The following CD300LF variants were observed in gnomAD, a reference collection of about 807,000 sequenced individuals.
The protein encoded by CD300LF is CD300 molecule like family member f.
In CD300LF, 27 loss-of-function variants were observed where a neutral mutation model predicts 32.2. The observed-to-expected ratio is 0.84, with a 90% CI of 0.62 to 1.15. The LOEUF (loss-of-function observed/expected upper bound fraction) is 1.15. Among genes scored for constraint, CD300LF ranks in the 50% most tolerant of loss-of-function variants. The pLI, the probability that CD300LF is intolerant of heterozygous loss-of-function variation, is 0.00. For missense variants in CD300LF, 348 were observed against 356.8 expected, an observed-to-expected ratio of 0.98 and a Z score of 0.20; for synonymous variants, 139 against 143.2, an observed-to-expected ratio of 0.97 and a Z score of 0.21.
At position 74,704,828 on chromosome 17, in the gene CD300LF, A is replaced by G. The variant is rs1314663794; in HGVS notation, c.44-12T>C. The G allele has an allele frequency of 1.2e-6, 2 of 1,600,582 alleles. No homozygotes were observed. The highest frequency in any genetic ancestry group is 2.7e-5 in the African/African-American group (2 of 74,742). ...GACAATGGAGTAGCCTGGAAAACAC[A>G]AATTCATGTGCTGTCACCTCCCACC... On this transcript the variant is annotated splice_polypyrimidine_tract_variant and intron_variant, in intron 1 of 6. Transcript: ENST00000326165.
At chr17:74,706,329 C>A (rs2033511620) in intron 1 of CD300LF, among the ~76,000 whole-genome samples, 2 of 144,410 alleles carry the variant, frequency 1.4e-5, no homozygotes, top group South Asian at 2.2e-4. Flanking sequence ...TAGGTGTGAG[C>A]AACTGTGCCT....
In CD300LF at chr17:74,695,128, G is replaced by A; in HGVS notation, c.841C>T (p.Pro281Ser). 1.9e-6 allele frequency: 3 copies of A among 1,614,136 alleles called. No individual in the cohort carries two copies. The highest frequency in any genetic ancestry group is 2.5e-6 in the Non-Finnish European group (3 of 1,179,998). ...SHLPGRGPEE[P>S]TEYSTISRP is the part of the protein sequence containing the mutation. ...CTGCTGATGGTGCTGTATTCCGTGG[G>A]CTCCTCAGGGCCCCTGCCGGGGAGG... is the stretch of plus-strand genomic sequence containing the variant. The change falls in exon 7 of 7, where the codon CCC (proline) becomes TCC (serine). Residue 281 changes from proline (P) to serine (S), a missense_variant. Pro to Ser is a moderately conservative substitution (Grantham distance 74). Transcript: ENST00000326165.
chr17:74,698,087 C>G (rs573263902), intron 4 of CD300LF, among the ~76,000 whole-genome samples: 2 of 152,286 alleles, frequency 1.3e-5, no homozygotes, highest in African/African-American at 4.8e-5. Flanking sequence ...GCCACCTATG[C>G]CATCAAGAGT....
At chr17:74,703,917 C>T (rs993241968) in intron 2 of CD300LF, among the ~76,000 whole-genome samples, 3 of 152,386 alleles carry the variant, frequency 2.0e-5, no homozygotes. Context: ...AGTCCACACA[C>T]ACAAATGGCT....
At chr17:74,696,649 C>G (rs2032506453) in intron 4 of CD300LF, among the ~76,000 whole-genome samples, 1 of 152,234 alleles carries the variant, frequency 6.6e-6, no homozygotes, top group Admixed American at 6.5e-5. Flanking sequence ...TAATCCCCCT[C>G]CCGGGCCCCC....
chr17:74,696,509 TCC>T (rs897488720), intron 4 of CD300LF, among the ~76,000 whole-genome samples: 21 of 152,120 alleles, frequency 1.4e-4, no homozygotes, highest in African/African-American at 4.6e-4. Flanking sequence ...AGCCATCGGC[TCC>T]CCTGGGAGTA....
intron 1 of CD300LF, among the ~76,000 whole-genome samples, chr17:74,708,411 A>T (rs1348651263): frequency 6.6e-6 from 1 of 152,190 alleles, no homozygotes; most frequent in African/African-American, 2.4e-5. Flanking sequence ...TGAAATCCCA[A>T]ATCCATTTCA....
At chr17:74,698,579 A>T (rs777838806) in intron 3 of CD300LF, 98 bp from the exon 4 acceptor site, 4 of 1,521,594 alleles carry the variant, frequency 2.6e-6, no homozygotes, top group Non-Finnish European at 3.5e-6. Flanking sequence ...CACACACCTG[A>T]TGAGCTGCAG....
chr17:74,699,232 TTTTAAAAGGAGAAAAGGGTTCC>T (rs1567786287), intron 3 of CD300LF, among the ~76,000 whole-genome samples: 1 of 152,042 alleles, frequency 6.6e-6, no homozygotes, highest in Non-Finnish European at 1.5e-5. Context: ...AAAAGATAGT[TTTTAAAAGGAGAAAAGGGTTCC>T]ATGAGGTGGT....
chr17:74,695,333 G>C, intron 6 of CD300LF, 82 bp from the exon 7 acceptor site: 1 of 1,533,602 alleles, frequency 6.5e-7, no homozygotes, highest in Non-Finnish European at 8.9e-7. Context: ...GAGGAGGATA[G>C]TGGGGATGGA....
chr17:74,695,829 A>G lies in CD300LF; in HGVS notation c.613T>C (p.Tyr205His), dbSNP rs1175100272. 1 of 1,614,062 alleles carries G rather than the reference A, an allele frequency of 6.2e-7. No individual in the cohort carries two copies. Among genetic ancestry groups the G allele is most frequent in the Admixed American group, 1.7e-5 (1 of 60,010 alleles). ...GCCAGCTGCAGGGTCAGGTCTGCATAGCAGAGGTCGCCCTCCAGGGGCTGC... is the reference window on the plus strand; with the variant it reads ...GCCAGCTGCAGGGTCAGGTCTGCATGGCAGAGGTCGCCCTCCAGGGGCTGC... ...VLQPLEGDLCYADLTLQLAGT... is the reference protein window; with the variant it reads ...VLQPLEGDLCHADLTLQLAGT... The change falls in exon 6 of 7, where the codon TAT becomes CAT. Residue 205 changes from tyrosine (Y) to histidine (H), a missense_variant. Transcript: ENST00000326165.
At chr17:74,696,340 G>A in intron 4 of CD300LF, 123 bp from the exon 5 acceptor site, 3 of 1,001,086 alleles carry the variant, frequency 3.0e-6, no homozygotes, top group Non-Finnish European at 2.9e-6. Flanking sequence ...CAGAGACAGG[G>A]ACCTGGTTCT....
chr17:74,703,749 C>T (rs1319363749), intron 2 of CD300LF, among the ~76,000 whole-genome samples: 1 of 152,206 alleles, frequency 6.6e-6, no homozygotes, highest in Non-Finnish European at 1.5e-5. Flanking sequence ...GGTGCTCCTT[C>T]CATGCCACAA....
chr17:74,697,862 C>T (rs991924517), intron 4 of CD300LF, among the ~76,000 whole-genome samples: 2 of 152,142 alleles, frequency 1.3e-5, no homozygotes, highest in Admixed American at 6.5e-5. Flanking sequence ...TGTGTGTGTG[C>T]ATGCTTGTGT....
At chr17:74,712,612 G>A (rs926973564) in intron 1 of CD300LF, among the ~76,000 whole-genome samples, 1 of 152,242 alleles carries the variant, frequency 6.6e-6, no homozygotes, top group African/African-American at 2.4e-5. Context: ...TGGGGGTCAG[G>A]AATTCTGCCT....
At chr17:74,698,346 C>G in intron 4 of CD300LF, 23 bp downstream of exon 4, 1 of 1,548,930 alleles carries the variant, frequency 6.5e-7, no homozygotes, top group South Asian at 1.1e-5. Context: ...AGTCTCAGCC[C>G]AGCCTCACCC....
intron 4 of CD300LF, 120 bp from the exon 5 acceptor site, chr17:74,696,337 A>T: frequency 9.6e-7 from 1 of 1,041,204 alleles, no homozygotes; most frequent in Non-Finnish European, 1.4e-6. Context: ...GCTCAGAGAC[A>T]GGGACCTGGT....
intron 1 of CD300LF, among the ~76,000 whole-genome samples, chr17:74,708,780 G>C (rs1177914961): frequency 6.6e-6 from 1 of 152,034 alleles, no homozygotes; most frequent in Non-Finnish European, 1.5e-5. Flanking sequence ...GCCAGGCGTG[G>C]TGGCGGGCGC....
At chr17:74,703,148 A>C (rs1403894659) in intron 2 of CD300LF, 50 bp from the exon 3 acceptor site, 4 of 1,611,438 alleles carry the variant, frequency 2.5e-6, no homozygotes, top group Non-Finnish European at 3.4e-6. Flanking sequence ...TCGACGCTGT[A>C]GTTGATGCTT....
Sources: gnomAD v4.1 joint callset for allele counts (sites outside exome capture counted in the v4.1 genomes callset) on GRCh38, gnomAD v4.1.1 for gene constraint, MANE v1.5 for transcripts, NCBI Gene and HGNC (gene_info 2026-07-23, HGNC 2026-07-21) for gene names.